Variants in FRYL observed in about 807,000 individuals in gnomAD.
FRYL encodes the protein protein furry homolog-like.
In FRYL, 150 loss-of-function variants were observed where a neutral mutation model predicts 351.2. The ratio of observed to expected loss-of-function variants is 0.43; its 90% CI spans 0.37 to 0.49. The LOEUF (loss-of-function observed/expected upper bound fraction) is 0.49, where lower values mean the gene tolerates loss of function less well. FRYL is among the 20% of genes least tolerant of loss of function. The pLI, the probability that FRYL is intolerant of heterozygous loss-of-function variation, is 0.00. For missense variants in FRYL, 3,036 were observed against 3,619.3 expected, an observed-to-expected ratio of 0.84 and a Z score of 4.13; for synonymous variants, 1,153 against 1,257.1, an observed-to-expected ratio of 0.92 and a Z score of 1.75.
At chr4:48,556,683 T>C (rs920021298) in intron 35 of FRYL, among the ~76,000 whole-genome samples, 3 of 152,216 alleles carry the variant, frequency 2.0e-5, no homozygotes, top group African/African-American at 7.2e-5. Flanking sequence ...TATCACACTA[T>C]ACTTTATTAG....
chr4:48,518,352 TA>T (rs1175916466), intron 55 of FRYL, among the ~76,000 whole-genome samples: 2 of 152,222 alleles, frequency 1.3e-5, no homozygotes, highest in Non-Finnish European at 2.9e-5. Context: ...TTCTTGCTAA[TA>T]TTCTTCCAGC....
At chr4:48,717,484 T>C (rs1768999299) in intron 1 of FRYL, among the ~76,000 whole-genome samples, 1 of 151,484 alleles carries the variant, frequency 6.6e-6, no homozygotes. Context: ...GAAAATGTTC[T>C]CAAAATCTAT....
At chr4:48,634,959 CT>C (rs1248706353) in intron 3 of FRYL, among the ~76,000 whole-genome samples, 1 of 152,142 alleles carries the variant, frequency 6.6e-6, no homozygotes, top group Non-Finnish European at 1.5e-5. Context: ...GAAGACCTCA[CT>C]GAAGAAGCTA....
intron 1 of FRYL, among the ~76,000 whole-genome samples, chr4:48,723,016 A>G (rs1769661107): frequency 6.6e-6 from 1 of 152,136 alleles, no homozygotes; most frequent in Non-Finnish European, 1.5e-5. Flanking sequence ...CTCTCCTCCT[A>G]AGGGATCATG....
chr4:48,710,723 A>G, intron 1 of FRYL, 25 bp from the exon 2 acceptor site: 1 of 396,786 alleles, frequency 2.5e-6, no homozygotes, highest in East Asian at 3.6e-5. Context: ...AATAGGAAAT[A>G]TGGTCATCAC....
At chr4:48,617,347 ATT>A (rs1242773128) in intron 7 of FRYL, among the ~76,000 whole-genome samples, 6 of 138,008 alleles carry the variant, frequency 4.3e-5, no homozygotes, top group East Asian at 2.1e-4. Context: ...AAAAAAAAAG[ATT>A]TTTTTTTTTT....
At chr4:48,531,446 C>G in intron 49 of FRYL, 93 bp from the exon 50 acceptor site, 1 of 749,982 alleles carries the variant, frequency 1.3e-6, no homozygotes, top group Non-Finnish European at 2.2e-6. Flanking sequence ...ATTATTTCTA[C>G]AAAAATACTT....
chr4:48,710,400 A>C, intron 2 of FRYL, 119 bp downstream of exon 2: 1 of 372,968 alleles, frequency 2.7e-6, no homozygotes, highest in Non-Finnish European at 4.7e-6. Flanking sequence ...GTCTTGAAAA[A>C]TCTGATGTTT....
At chr4:48,675,463 C>A (rs1763476848) in intron 3 of FRYL, among the ~76,000 whole-genome samples, 1 of 152,236 alleles carries the variant, frequency 6.6e-6, no homozygotes, top group South Asian at 2.1e-4. Context: ...TGGCCCCAGG[C>A]AATGAGGGAC....
Position 48,576,191 on chromosome 4 carries a change from T to C in FRYL, c.2560A>G (p.Thr854Ala). 1 of 1,609,444 alleles carries C rather than the reference T, an allele frequency of 6.2e-7. No individual in the cohort carries two copies. The highest frequency in any genetic ancestry group is 8.5e-7 in the Non-Finnish European group (1 of 1,178,174). Residue 854 changes from threonine (T) to alanine (A), a missense_variant, in exon 24 of 64, where the codon ACC (threonine) becomes GCC (alanine). By Grantham distance (58) the Thr-to-Ala change is moderately conservative. Around this residue, in one of 7 missense-constraint regions of FRYL, gnomAD observed 492 missense variants for 551.5 expected, o/e 0.89. Transcript: ENST00000358350. ...CCAATGTATGAGTCACTGCTTGTGG[T>C]GGTATTTACTTTCTTAGCATTGATG... ...SPINAKKVNT[T>A]TSSDSYIGLW... is the part of the protein sequence containing the mutation.
intron 63 of FRYL, 23 bp downstream of exon 63, chr4:48,500,007 C>T: frequency 6.6e-7 from 1 of 1,520,982 alleles, no homozygotes; most frequent in Non-Finnish European, 8.9e-7. Context: ...AAGGCATCAC[C>T]TTTAAATCCC....
chr4:48,585,995 G>C (rs1742016007), intron 19 of FRYL, among the ~76,000 whole-genome samples: 1 of 152,084 alleles, frequency 6.6e-6, no homozygotes, highest in South Asian at 2.1e-4. Flanking sequence ...AATACTATCT[G>C]GTACTTTCCA....
At chr4:48,543,440 A>T (rs1396849845) in intron 44 of FRYL, among the ~76,000 whole-genome samples, 1 of 152,166 alleles carries the variant, frequency 6.6e-6, no homozygotes, top group Non-Finnish European at 1.5e-5. Flanking sequence ...TACAAACTGA[A>T]GTTCTCTAGT....
Position 48,500,198 on chromosome 4 carries a change from A to G in FRYL, c.8615T>C (p.Leu2872Pro). 4 of 1,588,276 alleles carry G rather than the reference A, an allele frequency of 2.5e-6. No individual in the cohort carries two copies. The highest frequency in any genetic ancestry group is 3.4e-6 in the Non-Finnish European group (4 of 1,174,064). The change falls in exon 63 of 64, where the codon CTT becomes CCT. Residue 2872 changes from leucine to proline, a missense_variant. Leu to Pro is a moderately conservative substitution (Grantham distance 98). Around this residue, in one of 7 missense-constraint regions of FRYL, gnomAD observed 1,987 missense variants for 2,311.7 expected, o/e 0.86. Coordinates refer to ENST00000358350, the MANE Select transcript of FRYL (RefSeq NM_015030.2). ...TTTGAGGATACTTTCCAGTTGGGCA[A>G]GTTCCTCTGACATGTTGATGACCTA... ...EAEVINMSEE[L>P]AQLESILKEA...
intron 16 of FRYL, among the ~76,000 whole-genome samples, chr4:48,592,063 C>T (rs1209364565): frequency 1.7e-5 from 2 of 116,854 alleles, no homozygotes; most frequent in African/African-American, 4.1e-5. Context: ...CAATGGAATA[C>T]GGGAAGAAAA....
At chr4:48,601,293 C>G (rs922519019) in intron 13 of FRYL, among the ~76,000 whole-genome samples, 2 of 152,146 alleles carry the variant, frequency 1.3e-5, no homozygotes, top group African/African-American at 4.8e-5. Context: ...ATAGGCTCAT[C>G]TAAGTATATA....
intron 59 of FRYL, among the ~76,000 whole-genome samples, chr4:48,507,020 G>C (rs1721210358): frequency 6.6e-6 from 1 of 152,190 alleles, no homozygotes; most frequent in African/African-American, 2.4e-5. Context: ...TGGAACCTGT[G>C]CATTAATCTT....
chr4:48,760,696 A>C (rs1456961158), intron 1 of FRYL, among the ~76,000 whole-genome samples: 1 of 152,046 alleles, frequency 6.6e-6, no homozygotes, highest in Non-Finnish European at 1.5e-5. Flanking sequence ...ATTTATTTAG[A>C]GACAGACTCT....
In FRYL at chr4:48,499,614, T is replaced by A; in HGVS notation, c.8850A>T (p.Ile2950=). 6.2e-7 allele frequency: 1 copy of A among 1,614,044 alleles called. No individual in the cohort carries two copies. Among genetic ancestry groups the A allele is most frequent in the South Asian group, 1.1e-5 (1 of 91,084 alleles). The change falls in exon 64 of 64, where the codon ATA becomes ATT. Residue 2950 remains isoleucine (I), a synonymous_variant. Transcript: ENST00000358350. ...GGCCCAGCGTCTGATGATGGAAATA[T>A]ATATGTAACAGTGTCTGTACAGGGT... ...EDDPVQTLLH[I]YFHHQTLGQT...
Sources: allele counts gnomAD v4.1 joint callset (sites outside exome capture counted in the v4.1 genomes callset), GRCh38; gene constraint gnomAD v4.1.1; regional missense constraint gnomAD v4.1.1; transcripts MANE v1.5; gene names NCBI Gene and HGNC (gene_info 2026-07-23, HGNC 2026-07-21).